The following SYNE1 variants were observed in gnomAD, a reference collection of about 807,000 sequenced individuals.
SYNE1 encodes nesprin-1.
SYNE1 carries 616 observed loss-of-function variants against 1,111.0 expected under a neutral mutation model. The observed-to-expected ratio is 0.55, with a 90% confidence interval of 0.52 to 0.59. SYNE1 has a LOEUF of 0.59. Ranked by LOEUF, SYNE1 falls within the 20% of genes least tolerant of loss-of-function variation. SYNE1 has a pLI of 0.00. For synonymous variants in SYNE1, 3,855 were observed against 3,825.8 expected (o/e 1.01, Z -0.28); for missense variants, 10,006 against 10,417.0 (o/e 0.96, Z 1.72).
At chr6:152,355,954 A>T (rs2096829667) in intron 66 of SYNE1, among the ~76,000 whole-genome samples, 1 of 152,226 alleles carries the variant, frequency 6.6e-6, no homozygotes, top group Non-Finnish European at 1.5e-5. Flanking sequence ...AGTATAATGT[A>T]AAGACATATG....
intron 61 of SYNE1, chr6:152,367,744 C>T (rs570590843): frequency 3.6e-6 from 1 of 274,074 alleles, no homozygotes; most frequent in African/African-American, 2.2e-5. Context: ...ACCCACATGA[C>T]CTACATTGTA....
At chr6:152,483,301 TA>T in intron 13 of SYNE1, 52 bp from the exon 14 acceptor site, 1 of 1,507,878 alleles carries the variant, frequency 6.6e-7, no homozygotes, top group Non-Finnish European at 9.2e-7. Context: ...GATGGCAATT[TA>T]TAAAATTGCA....
At chr6:152,425,258 C>A in intron 39 of SYNE1, 123 bp downstream of exon 39, 1 of 1,024,126 alleles carries the variant, frequency 9.8e-7, no homozygotes, top group Non-Finnish European at 1.4e-6. Flanking sequence ...TTCTTCCCTT[C>A]TGTAGTTATC....
intron 89 of SYNE1, 144 bp from the exon 90 acceptor site, chr6:152,310,161 G>T: frequency 1.6e-6 from 2 of 1,220,696 alleles, no homozygotes; most frequent in Non-Finnish European, 2.3e-6. Context: ...GAGTTTAGGG[G>T]CTGGACACAG....
At chr6:152,241,527 T>TGTGA (rs1554263255) in intron 107 of SYNE1, among the ~76,000 whole-genome samples, 155 of 145,132 alleles carry the variant, frequency 1.1e-3, no homozygotes, top group Admixed American at 2.3e-3. Flanking sequence ...TGTGTGTGTG[T>TGTGA]GTGAAATACG....
rs182777544 is a variant in SYNE1 at position 152,434,730 on chromosome 6, C to A, written c.4311-785G>T. 3.9e-3 allele frequency: 586 copies of A among 149,406 alleles called. 4 individuals carry two copies. Among genetic ancestry groups the A allele is most frequent in the African/African-American group, 0.013 (538 of 40,542 alleles). 9.3% of individuals were successfully genotyped at this position (149,406 alleles called of 1,614,324 possible). On this transcript the variant is annotated intron_variant, in intron 33 of 145. Transcript: ENST00000367255. Reference sequence around the variant, plus strand: ...GTTTAGAAAAAGACTAAGAAACTAACAGTATATAATTGAACTAGTAAGTCC... The same window carrying A: ...GTTTAGAAAAAGACTAAGAAACTAAAAGTATATAATTGAACTAGTAAGTCC...
chr6:152,367,510 G>A (rs1309811423), intron 61 of SYNE1, 128 bp from the exon 62 acceptor site: 1 of 1,062,732 alleles, frequency 9.4e-7, no homozygotes, highest in South Asian at 1.3e-5. Flanking sequence ...GGCAAGTCTG[G>A]CCTAAATCTA....
At chr6:152,595,645 C>G (rs146431202) in intron 3 of SYNE1, among the ~76,000 whole-genome samples, 1 of 152,272 alleles carries the variant, frequency 6.6e-6, no homozygotes, top group African/African-American at 2.4e-5. Flanking sequence ...TATATTCTTT[C>G]CCGAATTTGG....
chr6:152,472,529 G>T, intron 14 of SYNE1, 116 bp from the exon 15 acceptor site: 1 of 954,442 alleles, frequency 1.0e-6, no homozygotes, highest in Non-Finnish European at 1.6e-6. Flanking sequence ...TGATCCCGCT[G>T]CCACATTCAG....
At chr6:152,246,345 A>C (rs573613698) in intron 105 of SYNE1, among the ~76,000 whole-genome samples, 32 of 152,264 alleles carry the variant, frequency 2.1e-4, no homozygotes, top group Middle Eastern at 3.4e-3. Context: ...TAAACAACAA[A>C]AAAAAAACCA....
intron 124 of SYNE1, 44 bp from the exon 125 acceptor site, chr6:152,208,250 G>T: frequency 6.4e-7 from 1 of 1,569,362 alleles, no homozygotes; most frequent in Non-Finnish European, 8.8e-7. Context: ...CTGTTATCTT[G>T]GATGCAGTTA....
chr6:152,569,010 T>C (rs999214528), intron 3 of SYNE1, among the ~76,000 whole-genome samples: 2 of 152,218 alleles, frequency 1.3e-5, no homozygotes, highest in African/African-American at 2.4e-5. Context: ...TTAACTCTTA[T>C]AATGAAGATT....
At chr6:152,488,623 A>T (rs2154300715) in intron 11 of SYNE1, 120 bp from the exon 12 acceptor site, 5 of 642,162 alleles carry the variant, frequency 7.8e-6, no homozygotes, top group South Asian at 4.1e-5. Flanking sequence ...GTCTCTGAAA[A>T]ATTTCCTTTC....
intron 36 of SYNE1, among the ~76,000 whole-genome samples, chr6:152,429,470 C>T (rs1470689453): frequency 6.6e-6 from 1 of 152,220 alleles, no homozygotes; most frequent in East Asian, 1.9e-4. Context: ...ACTCCCTCTT[C>T]CAGATGGCCT....
At chr6:152,431,567 A>G in intron 34 of SYNE1, among the ~76,000 whole-genome samples, 1 of 152,242 alleles carries the variant, frequency 6.6e-6, no homozygotes, top group East Asian at 1.9e-4. Flanking sequence ...TTGTTTGTAT[A>G]TAAGAAGATG....
chr6:152,124,575 C>G (rs1392915905), intron 145 of SYNE1, among the ~76,000 whole-genome samples: 2 of 152,124 alleles, frequency 1.3e-5, no homozygotes. Flanking sequence ...TTGTCTTCTA[C>G]TGATTTGTCA....
At chr6:152,445,799 AAG>A (rs1238917367) in intron 29 of SYNE1, among the ~76,000 whole-genome samples, 1 of 152,154 alleles carries the variant, frequency 6.6e-6, no homozygotes, top group Admixed American at 6.5e-5. Context: ...TTATCAAAGA[AAG>A]GGGCTGAATG....
chr6:152,502,490 C>A (rs2099034900), intron 10 of SYNE1, 143 bp downstream of exon 10: 1 of 722,108 alleles, frequency 1.4e-6, no homozygotes, highest in South Asian at 1.5e-5. Context: ...CTAATCATCA[C>A]CCCATTTGGT....
At chr6:152,614,435 AC>A (rs2099640395) in intron 3 of SYNE1, among the ~76,000 whole-genome samples, 1 of 152,238 alleles carries the variant, frequency 6.6e-6, no homozygotes, top group South Asian at 2.1e-4. Flanking sequence ...ACAAGGAGAT[AC>A]CATCTCACAC....
Sources: allele counts gnomAD v4.1 joint callset (sites outside exome capture counted in the v4.1 genomes callset), GRCh38; gene constraint gnomAD v4.1.1; transcripts MANE v1.5; gene names NCBI Gene and HGNC (gene_info 2026-07-23, HGNC 2026-07-21).